The following SFXN2 variants were observed in gnomAD, a reference collection of about 807,000 sequenced individuals.
The protein encoded by SFXN2 is sideroflexin-2.
A neutral mutation model predicts 41.9 loss-of-function variants in SFXN2; 37 were observed. The observed-to-expected ratio is 0.88, with a 90% CI of 0.68 to 1.16. The LOEUF (loss-of-function observed/expected upper bound fraction) is 1.16, where lower values mean the gene tolerates loss of function less well. Ranked by LOEUF, SFXN2 falls within the 50% of genes most tolerant of loss-of-function variation. The probability of loss-of-function intolerance (pLI) is 0.00; values close to 1 mark genes in which losing one functional copy is unlikely to be tolerated. For missense variants in SFXN2, 386 were observed against 425.2 expected, an observed-to-expected ratio of 0.91 and a Z score of 0.81; for synonymous variants, 150 against 156.7, an observed-to-expected ratio of 0.96 and a Z score of 0.32.
Position 102,739,154 on chromosome 10 carries a change from T to C in SFXN2, c.*1392T>C, listed in dbSNP as rs896066948. The C allele has an allele frequency of 3.3e-5, 5 of 152,220 alleles. No individual in the cohort carries two copies. Among genetic ancestry groups the C allele is most frequent in the African/African-American group, 1.2e-4 (5 of 41,456 alleles). The allele number at this position is 152,220 out of a possible 1,614,324, so 9.4% of individuals were successfully genotyped here. A position where few individuals can be genotyped will look rare whatever the true frequency, so the allele number is the denominator to read the frequency against. On this transcript the variant is annotated 3_prime_UTR_variant, in exon 12 of 12. Transcript: ENST00000369893. The stretch of plus-strand genomic sequence containing the variant: ...CCAACAGATATCACTGTGAATTGAA[T>C]AAATTTGTTGAAAGAGCACACAGGC...
chr10:102,718,953 C>G (rs2064460518), intron 1 of SFXN2, among the ~76,000 whole-genome samples: 1 of 104,294 alleles, frequency 9.6e-6, no homozygotes, highest in Admixed American at 1.4e-4. Flanking sequence ...GAGACAGGGT[C>G]TTGCTATGTT....
intron 1 of SFXN2, chr10:102,717,755 CAAG>C (rs762641172): frequency 7.1e-6 from 7 of 985,254 alleles, no homozygotes; most frequent in African/African-American, 1.7e-5. Flanking sequence ...CCAAGAGACC[CAAG>C]AAGAAGTTGG....
chr10:102,735,825 G>C, intron 10 of SFXN2, 37 bp from the exon 11 acceptor site: 1 of 1,610,722 alleles, frequency 6.2e-7, no homozygotes, highest in Non-Finnish European at 8.5e-7. Flanking sequence ...CCTGTGGGGA[G>C]ATGTCCCCTG....
At chr10:102,732,666 G>C (rs2136056509) in intron 8 of SFXN2, among the ~76,000 whole-genome samples, 193 bp from the exon 9 acceptor site, 1 of 152,306 alleles carries the variant, frequency 6.6e-6, no homozygotes, top group Middle Eastern at 3.4e-3. Flanking sequence ...GGGAAGCACT[G>C]TTCTGCCAGG....
chr10:102,731,562 G>A (rs2064704326), intron 6 of SFXN2, among the ~76,000 whole-genome samples, 161 bp from the exon 7 acceptor site: 1 of 152,164 alleles, frequency 6.6e-6, no homozygotes, highest in Non-Finnish European at 1.5e-5. Flanking sequence ...TCACTCCTAA[G>A]ATACTGCTTA....
chr10:102,736,189 A>G (rs1302280757), intron 11 of SFXN2, among the ~76,000 whole-genome samples: 2 of 152,158 alleles, frequency 1.3e-5, no homozygotes, highest in Non-Finnish European at 2.9e-5. Flanking sequence ...GAGCAACAAC[A>G]GACTTTCTCT....
At chr10:102,728,410 C>T (rs746243269) in intron 3 of SFXN2, 21 bp from the exon 4 acceptor site, 2 of 1,611,688 alleles carry the variant, frequency 1.2e-6, no homozygotes, top group Admixed American at 1.7e-5. Flanking sequence ...CTCTGCCTCT[C>T]CTGGCCTTCC....
chr10:102,717,801 G>A (rs555620933), intron 1 of SFXN2: 4 of 985,338 alleles, frequency 4.1e-6, no homozygotes, highest in Non-Finnish European at 4.8e-6. Flanking sequence ...AATATTCTTC[G>A]AGGGCATGTG....
Position 102,727,074 on chromosome 10 carries a change from G to C in SFXN2, c.249G>C (p.Gly83=), listed in dbSNP as rs143051814. Residue 83 remains glycine, a synonymous_variant, in exon 3 of 12, where the codon GGG becomes GGC. Transcript: ENST00000369893. ...ACTCGGCCTTCCACCCCGACACTGG[G>C]GAGAAGATGAATGTCATCGGGCGCA... ...LYDSAFHPDT[G]EKMNVIGRMS... The C allele has an allele frequency of 1.9e-6, 3 of 1,611,348 alleles. No individual in the cohort carries two copies. In the South Asian group the frequency reaches 3.3e-5, roughly 18 times the overall value.
At position 102,742,403 on chromosome 10, in the gene SFXN2, C is replaced by T. The variant is rs187911919; in HGVS notation, c.*4641C>T. The T allele has an allele frequency of 2.6e-3, 392 of 152,014 alleles. No individual in the cohort carries two copies. The highest frequency in any genetic ancestry group is 4.3e-3 in the Non-Finnish European group (290 of 68,144). The allele number at this position is 152,014 out of a possible 1,614,324, so 9.4% of individuals were successfully genotyped here. ...GGCTCGAACTCCTGACCATGTGATC[C>T]GCCCACCTCGGCCTCCCAAAGTGCT... On this transcript the variant is annotated 3_prime_UTR_variant, in exon 12 of 12. Coordinates refer to ENST00000369893, the MANE Select transcript of SFXN2 (RefSeq NM_178858.6).
chr10:102,732,992 C>G, intron 9 of SFXN2, 84 bp downstream of exon 9: 3 of 1,359,156 alleles, frequency 2.2e-6, no homozygotes, highest in Non-Finnish European at 3.2e-6. Flanking sequence ...CCTGCCCTCC[C>G]CCACCCATCC....
intron 4 of SFXN2, 65 bp from the exon 5 acceptor site, chr10:102,729,254 G>C (rs2244254): frequency 0.76 from 1,167,471 of 1,529,298 alleles, 447,389 homozygotes; most frequent in Admixed American, 0.8. Flanking sequence ...CTTTCTCCCT[G>C]AAGCCCGTGG....
At chr10:102,732,312 C>A in intron 8 of SFXN2, 94 bp downstream of exon 8, 1 of 1,027,308 alleles carries the variant, frequency 9.7e-7, no homozygotes, top group Non-Finnish European at 1.5e-6. Flanking sequence ...GTGGGGCCCA[C>A]CTTCTACAGC....
At chr10:102,729,170 A>AG in intron 4 of SFXN2, 149 bp from the exon 5 acceptor site, 1 of 676,946 alleles carries the variant, frequency 1.5e-6, no homozygotes, top group South Asian at 1.8e-5. Flanking sequence ...ACTGTGAGTG[A>AG]GGGGGAGAGG....
chr10:102,730,404 A>G (rs767232722), intron 6 of SFXN2, among the ~76,000 whole-genome samples: 12 of 152,376 alleles, frequency 7.9e-5, no homozygotes, highest in Admixed American at 3.3e-4. Context: ...GAGATGCTAC[A>G]TAAGTGTTCA....
chr10:102,718,074 T>C (rs1220493686), intron 1 of SFXN2, among the ~76,000 whole-genome samples: 2 of 152,076 alleles, frequency 1.3e-5, no homozygotes, highest in African/African-American at 4.8e-5. Flanking sequence ...TCGTTTAGTG[T>C]TTTTTTTGTT....
rs535644857 is a variant in SFXN2, at chr10:102,731,255, C to T, written c.594-468C>T. Among the ~76,000 whole-genome samples, 84 of 121,292 alleles carry T rather than the reference C, an allele frequency of 6.9e-4. 1 individual carries two copies. The highest frequency in any genetic ancestry group is 4.0e-3 in the South Asian group (15 of 3,750). 79.6% of individuals were successfully genotyped at this position (121,292 alleles called of 152,430 possible). A position where few individuals can be genotyped will look rare whatever the true frequency, so the allele number is the denominator to read the frequency against. On this transcript the variant is annotated intron_variant, in intron 6 of 11. Coordinates refer to ENST00000369893, the MANE Select transcript of SFXN2 (RefSeq NM_178858.6). ...ACACTCCAGCCTGGGTGACAGAGTGCGATTGTCTCAAAAAAAAAAAAAAAA... is the reference window on the plus strand; with the variant it reads ...ACACTCCAGCCTGGGTGACAGAGTGTGATTGTCTCAAAAAAAAAAAAAAAA...
At chr10:102,728,558 C>T (rs765298103) in intron 4 of SFXN2, 29 bp downstream of exon 4, 30 of 1,591,578 alleles carry the variant, frequency 1.9e-5, no homozygotes, top group Non-Finnish European at 2.4e-5. Flanking sequence ...AGGCTGTCCT[C>T]GTGTCTCCCC....
At chr10:102,718,305 A>AG (rs1463828374) in intron 1 of SFXN2, among the ~76,000 whole-genome samples, 1 of 152,192 alleles carries the variant, frequency 6.6e-6, no homozygotes, top group African/African-American at 2.4e-5. Context: ...GTGTGTGCTG[A>AG]GGGGGAGGCA....
Sources: allele counts gnomAD v4.1 joint callset (sites outside exome capture counted in the v4.1 genomes callset), GRCh38; gene constraint gnomAD v4.1.1; transcripts MANE v1.5; gene names NCBI Gene and HGNC (gene_info 2026-07-23, HGNC 2026-07-21).